RAD54B: variants seen among roughly 807,000 people sequenced by gnomAD.
RAD54B encodes the protein DNA repair and recombination protein RAD54B.
Under a neutral mutation model 95.8 loss-of-function variants are expected in RAD54B, and 78 were observed. That is an observed-to-expected ratio of 0.81 (90% CI 0.68 to 0.98). RAD54B has a LOEUF of 0.98. Among genes scored for constraint, RAD54B ranks in the 50% least tolerant of loss-of-function variants. RAD54B has a pLI of 0.00. For synonymous variants in RAD54B, 328 were observed against 354.9 expected (o/e 0.92, Z 0.85); for missense variants, 957 against 1,056.6 (o/e 0.91, Z 1.31).
chr8:94,397,527 C>G (rs1408377737), intron 8 of RAD54B, among the ~76,000 whole-genome samples: 2 of 152,030 alleles, frequency 1.3e-5, no homozygotes, highest in African/African-American at 4.8e-5. Context: ...TCAAGACATT[C>G]TTGTTGAATG....
At chr8:94,469,537 G>C (rs928698233) in intron 1 of RAD54B, among the ~76,000 whole-genome samples, 3 of 152,206 alleles carry the variant, frequency 2.0e-5, no homozygotes, top group Admixed American at 6.5e-5. Flanking sequence ...GTAAATTTAA[G>C]TATATGTCAA....
At chr8:94,404,661 A>T (rs927215791) in intron 5 of RAD54B, among the ~76,000 whole-genome samples, 1 of 152,208 alleles carries the variant, frequency 6.6e-6, no homozygotes, top group Non-Finnish European at 1.5e-5. Context: ...CCCCAAATTT[A>T]ACATACAGGC....
At chr8:94,380,075 T>TTTGTATCCTCAATAGGCA in intron 12 of RAD54B, 70 bp downstream of exon 12, 4 of 1,461,654 alleles carry the variant, frequency 2.7e-6, no homozygotes, top group Non-Finnish European at 3.7e-6. Context: ...CATCATTATC[T>TTTGTATCCTCAATAGGCA]TTGTATCCTC....
chr8:94,431,837 G>T, intron 3 of RAD54B: 1 of 1,046,376 alleles, frequency 9.6e-7, no homozygotes, highest in Non-Finnish European at 1.2e-6. Flanking sequence ...AAGAATATGT[G>T]TTTGTATATG....
At chr8:94,465,292 T>C (rs1476712628) in intron 2 of RAD54B, among the ~76,000 whole-genome samples, 1 of 151,576 alleles carries the variant, frequency 6.6e-6, no homozygotes, top group Non-Finnish European at 1.5e-5. Flanking sequence ...AAAAAAGCAG[T>C]CAAAAATTAG....
intron 14 of RAD54B, among the ~76,000 whole-genome samples, chr8:94,372,794 A>G (rs1810472603): frequency 6.6e-6 from 1 of 152,190 alleles, no homozygotes. Flanking sequence ...ATTCTGTAGC[A>G]AGTCATAAAT....
chr8:94,439,208 T>C (rs1812339356), intron 3 of RAD54B, among the ~76,000 whole-genome samples: 1 of 152,222 alleles, frequency 6.6e-6, no homozygotes, highest in Admixed American at 6.5e-5. Flanking sequence ...TGGAAGTATC[T>C]ACTAATATTT....
At chr8:94,380,478 TACC>T in intron 11 of RAD54B, 72 bp from the exon 12 acceptor site, 1 of 1,400,978 alleles carries the variant, frequency 7.1e-7, no homozygotes, top group South Asian at 1.4e-5. Context: ...TGAAAGAAAA[TACC>T]ACAATAATAT....
At chr8:94,377,431 G>A (rs1198032818) in intron 14 of RAD54B, among the ~76,000 whole-genome samples, 1 of 151,424 alleles carries the variant, frequency 6.6e-6, no homozygotes, top group African/African-American at 2.4e-5. Flanking sequence ...AGCTACTCAG[G>A]AGGCTGAAGC....
chr8:94,446,874 A>C (rs760573156), intron 3 of RAD54B, among the ~76,000 whole-genome samples: 3 of 152,128 alleles, frequency 2.0e-5, no homozygotes, highest in Non-Finnish European at 4.4e-5. Context: ...CTCCAGTGGC[A>C]GCAGAAAATT....
rs749192373 is a variant in RAD54B at position 94,378,225 on chromosome 8, G to A, written c.2470C>T (p.His824Tyr). 2 of 1,612,726 alleles carry A rather than the reference G, an allele frequency of 1.2e-6. No individual in the cohort carries two copies. The highest frequency in any genetic ancestry group is 4.5e-5 in the East Asian group (2 of 44,832). The change falls in exon 14 of 15, where the codon CAT becomes TAT. Residue 824 changes from histidine to tyrosine, a missense_variant. His to Tyr is a moderately conservative substitution (Grantham distance 83). Transcript: ENST00000336148. ...GTACACTCACAGTCAAGCAGATCAT[G>A]AGTAACACAATCTGAACTTTCATGT... ...TLHESSDCVTHDLLDCECTGE... is the reference protein window; with the variant it reads ...TLHESSDCVTYDLLDCECTGE...
Position 94,459,733 on chromosome 8 carries a change from G to A in RAD54B, c.136-1297C>T, listed in dbSNP as rs372406092. Among the ~76,000 whole-genome samples, 5 of 151,818 alleles carry A rather than the reference G, an allele frequency of 3.3e-5. No individual in the cohort carries two copies. The East Asian group carries it at 7.9e-4, about 24-fold the overall frequency. On this transcript the variant is annotated intron_variant, in intron 2 of 14. Coordinates refer to ENST00000336148, the MANE Select transcript of RAD54B (RefSeq NM_012415.3). ...AAATTAGCCAGACACGGTGGTGCAC[G>A]CCTGTAATCCCAGCTGCTCAGGAGG... is the stretch of plus-strand genomic sequence containing the variant.
At chr8:94,450,610 C>G (rs1441130252) in intron 3 of RAD54B, among the ~76,000 whole-genome samples, 1 of 152,120 alleles carries the variant, frequency 6.6e-6, no homozygotes, top group Non-Finnish European at 1.5e-5. Context: ...AAATCTCAGC[C>G]AGGCTCGTGC....
intron 9 of RAD54B, 25 bp from the exon 10 acceptor site, chr8:94,391,924 T>C (rs1274548485): frequency 1.3e-6 from 2 of 1,570,540 alleles, no homozygotes; most frequent in East Asian, 2.2e-5. Context: ...CAGACTTAAA[T>C]GAAAGTGTTA....
intron 3 of RAD54B, chr8:94,432,389 A>C (rs1226676864): frequency 5.8e-6 from 9 of 1,550,436 alleles, no homozygotes; most frequent in Non-Finnish European, 7.8e-6. Context: ...GAAAAAAATC[A>C]TCTCTCCTTG....
At chr8:94,399,757 C>T in intron 7 of RAD54B, 136 bp from the exon 8 acceptor site, 1 of 1,201,304 alleles carries the variant, frequency 8.3e-7, no homozygotes. Context: ...ACTGAGGCTG[C>T]TATAAACAAA....
chr8:94,470,072 A>T (rs1310949845), intron 1 of RAD54B, among the ~76,000 whole-genome samples: 1 of 152,236 alleles, frequency 6.6e-6, no homozygotes, highest in Non-Finnish European at 1.5e-5. Flanking sequence ...GATGAACATG[A>T]CTACCAACAT....
intron 6 of RAD54B, among the ~76,000 whole-genome samples, chr8:94,402,386 T>TA (rs1458998473): frequency 1.3e-5 from 2 of 152,034 alleles, no homozygotes; most frequent in Non-Finnish European, 2.9e-5. Context: ...CCTGAGTAGC[T>TA]AGGATTATAG....
intron 11 of RAD54B, among the ~76,000 whole-genome samples, chr8:94,385,600 G>C (rs1249278674): frequency 6.6e-6 from 1 of 152,048 alleles, no homozygotes; most frequent in East Asian, 1.9e-4. Flanking sequence ...GCTGAGTCTT[G>C]TTGTTGTTGT....
Sources: allele counts gnomAD v4.1 joint callset (sites outside exome capture counted in the v4.1 genomes callset), GRCh38; gene constraint gnomAD v4.1.1; transcripts MANE v1.5; gene names NCBI Gene and HGNC (gene_info 2026-07-23, HGNC 2026-07-21).